The following PARD3B variants were observed in gnomAD, a reference collection of about 807,000 sequenced individuals.
PARD3B encodes partitioning defective 3 homolog B.
In PARD3B, 103 loss-of-function variants were observed where a neutral mutation model predicts 130.2. The ratio of observed to expected loss-of-function variants is 0.79; its 90% confidence interval spans 0.67 to 0.93. The LOEUF (loss-of-function observed/expected upper bound fraction) is 0.93, where lower values mean the gene tolerates loss of function less well. Ranked by LOEUF, PARD3B falls within the 40% of genes least tolerant of loss-of-function variation. PARD3B has a pLI of 0.00. For synonymous variants in PARD3B, 583 were observed against 553.2 expected (o/e 1.05, Z -0.76); for missense variants, 1,609 against 1,499.2 (o/e 1.07, Z -1.21).
chr2:205,157,567 G>A (rs1297751969), intron 10 of PARD3B, among the ~76,000 whole-genome samples: 1 of 151,996 alleles, frequency 6.6e-6, no homozygotes, highest in Non-Finnish European at 1.5e-5. Context: ...TTTAATTATG[G>A]GTTCTTTGCT....
intron 4 of PARD3B, among the ~76,000 whole-genome samples, chr2:205,064,389 A>G (rs146104864): frequency 5.9e-4 from 90 of 152,208 alleles, no homozygotes; most frequent in Non-Finnish European, 1.0e-3. Flanking sequence ...CTTCCTCCAC[A>G]TTGGGGAGAC....
At chr2:205,545,116 C>T (rs1334042833) in intron 21 of PARD3B, among the ~76,000 whole-genome samples, 1 of 152,134 alleles carries the variant, frequency 6.6e-6, no homozygotes, top group Admixed American at 6.5e-5. Flanking sequence ...TGTTCTTTCG[C>T]CTCTCTGGAT....
At chr2:204,650,415 A>G (rs895950563) in intron 1 of PARD3B, among the ~76,000 whole-genome samples, 2 of 152,224 alleles carry the variant, frequency 1.3e-5, no homozygotes, top group South Asian at 2.1e-4. Flanking sequence ...CTAAAGGAAT[A>G]TAAATCATTC....
At chr2:204,937,672 G>A (rs532649625) in intron 2 of PARD3B, among the ~76,000 whole-genome samples, 1 of 152,130 alleles carries the variant, frequency 6.6e-6, no homozygotes, top group Non-Finnish European at 1.5e-5. Flanking sequence ...ACTGCTGTGG[G>A]ATCAACAAAT....
At position 204,883,666 on chromosome 2, in the gene PARD3B, G is replaced by A. The variant is rs750551868; in HGVS notation, c.223-81486G>A. Among the ~76,000 whole-genome samples the A allele has an allele frequency of 4.6e-5, 7 of 151,074 alleles. No homozygotes were observed. In the East Asian group the frequency reaches 7.8e-4, roughly 17 times the overall value. On this transcript the variant is annotated intron_variant, in intron 2 of 22. Coordinates refer to ENST00000406610, the MANE Select transcript of PARD3B (RefSeq NM_001302769.2). ...TCACCATATTGGCCAGGCTGGTCTC[G>A]AACTCCTAACCTTGTGATCCGCCCA...
In PARD3B at chr2:205,024,133, T is replaced by C. The variant is rs183584998; in HGVS notation, c.395-23448T>C. 2.3e-4 allele frequency among the ~76,000 whole-genome samples: 35 copies of C among 151,752 alleles called. No homozygotes were observed. The Middle Eastern group carries it at 0.014, about 60-fold the overall frequency. On this transcript the variant is annotated intron_variant, in intron 3 of 22. Transcript: ENST00000406610. ...TCTTGATATGCATTAGCTATGATCA[T>C]GTATGCCTCACCATCATTTTCTTTC...
intron 2 of PARD3B, among the ~76,000 whole-genome samples, chr2:204,815,029 T>A (rs2043097325): frequency 6.6e-6 from 1 of 151,924 alleles, no homozygotes; most frequent in African/African-American, 2.4e-5. Flanking sequence ...GTTTCTGTAA[T>A]GTTTCTGTAT....
At chr2:204,758,253 A>G (rs2040759807) in intron 2 of PARD3B, among the ~76,000 whole-genome samples, 1 of 152,164 alleles carries the variant, frequency 6.6e-6, no homozygotes, top group South Asian at 2.1e-4. Context: ...TGCTTGCTTA[A>G]GGTCACTTGG....
In PARD3B at chr2:205,459,651, C is replaced by T. The variant is rs77173856; in HGVS notation, c.3044+18979C>T. On this transcript the variant is annotated intron_variant, in intron 20 of 22. Transcript: ENST00000406610. ...CTACAGTCACTGTTGTGCTCCTGGG[C>T]CTTGGTCTTATGAACCTTCCATCAG... Among the ~76,000 whole-genome samples the T allele has an allele frequency of 6.8e-3, 1,030 of 152,194 alleles. 10 individuals are homozygous for T. Among genetic ancestry groups the T allele is most frequent in the African/African-American group, 0.023 (936 of 41,528 alleles).
At chr2:204,963,013 G>A (rs934076766) in intron 2 of PARD3B, among the ~76,000 whole-genome samples, 7 of 152,148 alleles carry the variant, frequency 4.6e-5, no homozygotes, top group African/African-American at 1.7e-4. Flanking sequence ...GGTATAACAC[G>A]CTAATGGACA....
chr2:204,880,437 G>A (rs953297209), intron 2 of PARD3B, among the ~76,000 whole-genome samples: 1 of 151,882 alleles, frequency 6.6e-6, no homozygotes, highest in African/African-American at 2.4e-5. Context: ...CGAGGTGGGC[G>A]GATCACGAGG....
At position 205,351,917 on chromosome 2, in the gene PARD3B, C is replaced by T. The variant is rs1324000655; in HGVS notation, c.2631-49096C>T. Among the ~76,000 whole-genome samples, 3 of 152,134 alleles carry T rather than the reference C, an allele frequency of 2.0e-5. No homozygotes were observed. Among genetic ancestry groups the T allele is most frequent in the African/African-American group, 7.2e-5 (3 of 41,430 alleles). On this transcript the variant is annotated intron_variant, in intron 18 of 22. Coordinates refer to ENST00000406610, the MANE Select transcript of PARD3B (RefSeq NM_001302769.2). The surrounding 1 kb of genome is among the most constrained non-coding windows in gnomAD (Gnocchi z 4.2). Reference sequence around the variant, plus strand: ...TCCCAGTGTCTTTCTGTCAAGCTACCTGCCTCCCAGGTACACGCGTATTGC... The same window carrying T: ...TCCCAGTGTCTTTCTGTCAAGCTACTTGCCTCCCAGGTACACGCGTATTGC...
At chr2:205,075,888 T>TG (rs1701028414) in intron 4 of PARD3B, among the ~76,000 whole-genome samples, 1 of 151,998 alleles carries the variant, frequency 6.6e-6, no homozygotes, top group Non-Finnish European at 1.5e-5. Context: ...AAAACTAATA[T>TG]TCATCAAAAA....
intron 2 of PARD3B, among the ~76,000 whole-genome samples, chr2:204,795,098 T>C (rs1298172829): frequency 1.3e-5 from 2 of 152,202 alleles, no homozygotes; most frequent in Non-Finnish European, 1.5e-5. Flanking sequence ...TAAATGCTTA[T>C]ATTTTGTCTT....
chr2:204,589,953 C>T (rs2033005003), intron 1 of PARD3B, among the ~76,000 whole-genome samples: 1 of 152,102 alleles, frequency 6.6e-6, no homozygotes, highest in Admixed American at 6.6e-5. Context: ...TTCTAGTCTG[C>T]CATTGATCGA....
intron 2 of PARD3B, among the ~76,000 whole-genome samples, chr2:204,849,128 A>G (rs956994219): frequency 3.9e-5 from 6 of 152,152 alleles, no homozygotes; most frequent in Non-Finnish European, 8.8e-5. Flanking sequence ...AAATTAGAAG[A>G]AGTGGCTATT....
intron 3 of PARD3B, among the ~76,000 whole-genome samples, chr2:205,026,934 C>T (rs1051187260): frequency 3.3e-5 from 5 of 151,990 alleles, no homozygotes; most frequent in African/African-American, 7.3e-5. Context: ...CAGTGGACAC[C>T]GAGGTTGTTA....
At position 205,558,279 on chromosome 2, in the gene PARD3B, G is replaced by A. The variant is rs555972460; in HGVS notation, c.3260+4876G>A. On this transcript the variant is annotated intron_variant, in intron 22 of 22. Coordinates refer to ENST00000406610, the MANE Select transcript of PARD3B (RefSeq NM_001302769.2). The surrounding 1 kb of genome is among the most constrained non-coding windows in gnomAD (Gnocchi z 4.8). ...GCCATACCCAGGGCGAGTTAACCAG[G>A]AAGGTGGAGCATGATGCTCTAGCTC... 1.4e-4 allele frequency among the ~76,000 whole-genome samples: 21 copies of A among 152,248 alleles called. No homozygotes were observed. Among genetic ancestry groups the A allele is most frequent in the African/African-American group, 2.6e-4 (11 of 41,530 alleles).
At chr2:204,575,659 C>G (rs1312692379) in intron 1 of PARD3B, among the ~76,000 whole-genome samples, 6 of 152,212 alleles carry the variant, frequency 3.9e-5, no homozygotes, top group South Asian at 2.1e-4. Context: ...CCTCCTGGCT[C>G]TCTCTGGCTG....
Sources: gnomAD v4.1 joint callset for allele counts (sites outside exome capture counted in the v4.1 genomes callset) on GRCh38, gnomAD v4.1.1 for gene constraint, Gnocchi (gnomAD v3.1) non-coding constraint, MANE v1.5 for transcripts, NCBI Gene and HGNC (gene_info 2026-07-23, HGNC 2026-07-21) for gene names.